BCAR3: variants seen among roughly 807,000 people sequenced by gnomAD.
The protein encoded by BCAR3 is BCAR3 adaptor protein, NSP family member, also known as breast cancer anti-estrogen resistance protein 3.
Under a neutral mutation model 80.1 loss-of-function variants are expected in BCAR3, and 37 were observed. The ratio of observed to expected loss-of-function variants is 0.46; its 90% CI spans 0.36 to 0.61. The LOEUF (loss-of-function observed/expected upper bound fraction) is 0.61, where lower values mean the gene tolerates loss of function less well. Among genes scored for constraint, BCAR3 ranks in the 20% least tolerant of loss-of-function variants. BCAR3 has a pLI of 0.00. For missense variants in BCAR3, 978 were observed against 1,068.2 expected (o/e 0.92, Z 1.18); for synonymous variants, 389 against 418.9 (o/e 0.93, Z 0.87).
At chr1:93,659,502 C>A (rs1350098802) in intron 2 of BCAR3, among the ~76,000 whole-genome samples, 1 of 151,854 alleles carries the variant, frequency 6.6e-6, no homozygotes, top group Non-Finnish European at 1.5e-5. Context: ...CAGCAACCGG[C>A]TTTAAGTCTA....
rs139892828 is a variant in BCAR3 at position 93,597,853 on chromosome 1, C to T, written c.358-5460G>A. The stretch of plus-strand genomic sequence containing the variant: ...GTTTCTTCAATCCTCACTCACTGCC[C>T]GCCTGGCCCAGCACCTCTGCTCGGT... On this transcript the variant is annotated intron_variant, in intron 3 of 11. Coordinates refer to ENST00000260502, the MANE Select transcript of BCAR3 (RefSeq NM_003567.4). Among the ~76,000 whole-genome samples, 253 of 152,290 alleles carry T rather than the reference C, an allele frequency of 1.7e-3. 1 individual carries two copies. The highest frequency in any genetic ancestry group is 5.1e-3 in the African/African-American group (211 of 41,554).
At chr1:93,656,744 C>T (rs182179181) in intron 2 of BCAR3, among the ~76,000 whole-genome samples, 2 of 152,138 alleles carry the variant, frequency 1.3e-5, no homozygotes, top group South Asian at 4.2e-4. Flanking sequence ...GCTAGGACTA[C>T]AGGCATGTAC....
chr1:93,606,057 C>A (rs1318730443), intron 3 of BCAR3, among the ~76,000 whole-genome samples: 1 of 152,174 alleles, frequency 6.6e-6, no homozygotes, highest in Non-Finnish European at 1.5e-5. Flanking sequence ...AGCAGGCTTG[C>A]AGTAAAACAA....
chr1:93,564,505 C>T lies in BCAR3; in HGVS notation c.2300-2086G>A, dbSNP rs550388735. 1.7e-3 allele frequency among the ~76,000 whole-genome samples: 263 copies of T among 151,426 alleles called. 2 individuals carry two copies. The highest frequency in any genetic ancestry group is 3.1e-3 in the South Asian group (15 of 4,770). ...GTTGGTCAGGCTGGTCTTGAACTCC[C>T]GACCTCAGGTGATCCGCCTGCCTCA... On this transcript the variant is annotated intron_variant, in intron 11 of 11. Coordinates refer to ENST00000260502, the MANE Select transcript of BCAR3 (RefSeq NM_003567.4).
chr1:93,652,997 A>G (rs1217433879), intron 2 of BCAR3, among the ~76,000 whole-genome samples: 1 of 152,184 alleles, frequency 6.6e-6, no homozygotes, highest in Non-Finnish European at 1.5e-5. Flanking sequence ...CAGATTGACA[A>G]TTTCCTCCCT....
chr1:93,751,689 TC>T (rs960287140), intron 2 of BCAR3, among the ~76,000 whole-genome samples: 9 of 152,196 alleles, frequency 5.9e-5, no homozygotes, highest in African/African-American at 1.9e-4. Flanking sequence ...ACATGCTGTA[TC>T]ACCCCTTTCC....
At chr1:93,603,251 C>T (rs566132047) in intron 3 of BCAR3, among the ~76,000 whole-genome samples, 2 of 152,386 alleles carry the variant, frequency 1.3e-5, no homozygotes, top group East Asian at 3.9e-4. Flanking sequence ...TGACCCAGCC[C>T]AGTGGGCACA....
In BCAR3 at chr1:93,716,910, C is replaced by T. The variant is rs757563503; in HGVS notation, c.-62-10768G>A. Among the ~76,000 whole-genome samples, 32 of 152,268 alleles carry T rather than the reference C, an allele frequency of 2.1e-4. No individual in the cohort carries two copies. The East Asian group carries it at 3.3e-3, about 16-fold the overall frequency. ...ACTCAGGCAGGGAGATGCAGGTGCA[C>T]GAGTGGTGAAGCTGTAGATGGGCTC... On this transcript the variant is annotated intron_variant, in intron 2 of 13. Coordinates refer to the BCAR3 transcript ENST00000370244.
At chr1:93,743,261 A>G (rs1261824680) in intron 2 of BCAR3, among the ~76,000 whole-genome samples, 1 of 152,258 alleles carries the variant, frequency 6.6e-6, no homozygotes, top group Admixed American at 6.5e-5. Context: ...TTCATCTAAT[A>G]GGGAATGAGA....
chr1:93,562,108 A>T lies in BCAR3; in HGVS notation c.*133T>A. 1 of 883,190 alleles carries T rather than the reference A, an allele frequency of 1.1e-6. No individual in the cohort carries two copies. The highest frequency in any genetic ancestry group is 1.7e-6 in the Non-Finnish European group (1 of 599,344). The allele number at this position is 883,190 out of a possible 1,614,324, so 54.7% of individuals were successfully genotyped here. A position where few individuals can be genotyped will look rare whatever the true frequency, so the allele number is the denominator to read the frequency against. ...TGTGCTCTGTGCAATTTACACGTTT[A>T]ATATCCTGTGGATACTAAAAGCTTG... On this transcript the variant is annotated 3_prime_UTR_variant, in exon 12 of 12. Coordinates refer to ENST00000260502, the MANE Select transcript of BCAR3 (RefSeq NM_003567.4).
rs115122700 is a variant in BCAR3 at position 93,846,527 on chromosome 1, G to A, written c.-209+543C>T. 2.5e-3 allele frequency among the ~76,000 whole-genome samples: 388 copies of A among 152,182 alleles called. 1 individual carries two copies. The highest frequency in any genetic ancestry group is 8.8e-3 in the African/African-American group (365 of 41,556). On this transcript the variant is annotated intron_variant, in intron 1 of 13. Transcript: ENST00000370244. ...TCACTGCGGGCACTGGAAACCTGCC[G>A]GCCCCCACCCAGCCGCCTCTCAGAT...
chr1:93,562,352 G>A lies in BCAR3; in HGVS notation c.2367C>T (p.Gly789=), dbSNP rs751998658. 1 of 1,614,054 alleles carries A rather than the reference G, an allele frequency of 6.2e-7. No individual in the cohort carries two copies. The highest frequency in any genetic ancestry group is 8.5e-7 in the Non-Finnish European group (1 of 1,179,984). ...TCTGATTGACTTGTGCACCTTTGCT[G>A]CCCCATAGCAATCGCATTTGAAATT... The part of the protein sequence containing the change: ...KTEFQMRLLW[G]SKGAQVNQTE... The change falls in exon 12 of 12, where the codon GGC becomes GGT. Residue 789 remains glycine (G), a synonymous_variant. Transcript: ENST00000260502.
chr1:93,667,101 G>T (rs1263208433), intron 2 of BCAR3, among the ~76,000 whole-genome samples: 1 of 152,188 alleles, frequency 6.6e-6, no homozygotes, highest in African/African-American at 2.4e-5. Context: ...CTTACCCAAG[G>T]TCACAAAGCT....
At chr1:93,670,725 G>T (rs1648161972) in intron 2 of BCAR3, among the ~76,000 whole-genome samples, 2 of 152,108 alleles carry the variant, frequency 1.3e-5, no homozygotes, top group Admixed American at 1.3e-4. Context: ...GGGTTACAAT[G>T]TTCAAACAAG....
At chr1:93,629,740 A>G (rs567532272) in intron 3 of BCAR3, among the ~76,000 whole-genome samples, 1 of 152,350 alleles carries the variant, frequency 6.6e-6, no homozygotes, top group African/African-American at 2.4e-5. Context: ...CTGACTCCCT[A>G]TAGTTAACAA....
chr1:93,783,096 T>C lies in BCAR3; in HGVS notation c.-63+62471A>G, dbSNP rs113139018. Among the ~76,000 whole-genome samples the C allele has an allele frequency of 1.1e-3, 164 of 152,334 alleles. 4 individuals are homozygous for C. Among genetic ancestry groups the C allele is most frequent in the African/African-American group, 3.7e-3 (153 of 41,578 alleles). On this transcript the variant is annotated intron_variant, in intron 2 of 13. Coordinates refer to the BCAR3 transcript ENST00000370244. ...GTGGAGCCTCCCTTTGGTAGGAGTA[T>C]AGACTTGCTCAACCACTTGGGTAAA...
At chr1:93,721,848 G>A (rs1650415099) in intron 2 of BCAR3, among the ~76,000 whole-genome samples, 1 of 152,218 alleles carries the variant, frequency 6.6e-6, no homozygotes, top group Non-Finnish European at 1.5e-5. Context: ...CCACCTACTA[G>A]CCATATGGCT....
At chr1:93,605,181 G>A (rs1308968082) in intron 3 of BCAR3, among the ~76,000 whole-genome samples, 3 of 152,152 alleles carry the variant, frequency 2.0e-5, no homozygotes, top group African/African-American at 7.2e-5. Context: ...CCAAGAGGCA[G>A]GCCTGTATTC....
chr1:93,776,048 T>A (rs554525863), intron 2 of BCAR3, among the ~76,000 whole-genome samples: 1 of 152,286 alleles, frequency 6.6e-6, no homozygotes, highest in East Asian at 1.9e-4. Flanking sequence ...AAGGTTTCCA[T>A]CAGCAATCAA....
Sources: allele counts gnomAD v4.1 joint callset (sites outside exome capture counted in the v4.1 genomes callset), GRCh38; gene constraint gnomAD v4.1.1; transcripts MANE v1.5; gene names NCBI Gene and HGNC (gene_info 2026-07-23, HGNC 2026-07-21).